C2CD3: variants seen among roughly 807,000 people sequenced by gnomAD.
C2CD3 encodes C2 domain-containing protein 3.
C2CD3 carries 148 observed loss-of-function variants against 234.0 expected under a neutral mutation model. The observed-to-expected ratio is 0.63, with a 90% confidence interval of 0.55 to 0.72. The LOEUF is 0.72. Ranked by LOEUF, C2CD3 falls within the 30% of genes least tolerant of loss-of-function variation. The pLI is 0.00. For synonymous variants in C2CD3, 1,000 were observed against 1,035.4 expected, an observed-to-expected ratio of 0.97 and a Z score of 0.66; for missense variants, 2,577 against 2,811.5, an observed-to-expected ratio of 0.92 and a Z score of 1.89.
rs975967216 is a variant in C2CD3, at chr11:74,033,441, T to C, written c.6719A>G (p.Asn2240Ser). Residue 2240 changes from asparagine (N) to serine (S), a missense_variant, in exon 31 of 33, where the codon AAC (asparagine) becomes AGC (serine). Asn to Ser is a conservative substitution (Grantham distance 46). Coordinates refer to ENST00000334126, the MANE Select transcript of C2CD3 (RefSeq NM_001286577.2). ...GGAGTCGATGGGTGGTCCCTTATGG[T>C]TTTCCCTTCTGCTCTGGGAGGCTAG... ...LNLASQSRRE[N>S]HKGPPIDSSD... The C allele has an allele frequency of 5.7e-5, 87 of 1,535,996 alleles. No homozygotes were observed. Among genetic ancestry groups the C allele is most frequent in the Non-Finnish European group, 7.2e-5 (83 of 1,146,906 alleles).
chr11:74,057,541 C>T lies in C2CD3; in HGVS notation c.4955G>A (p.Ser1652Asn), dbSNP rs1954013275. The T allele has an allele frequency of 5.0e-6, 8 of 1,614,142 alleles. No individual in the cohort carries two copies. Among genetic ancestry groups the T allele is most frequent in the Non-Finnish European group, 5.9e-6 (7 of 1,179,996 alleles). The part of the protein sequence containing the change: ...ERAMHLSLKG[S>N]PLTERKVSIP... ...CGATACTTTCCGCTCTGTCAAGGGG[C>T]TCCCTGAAATAGAATAAAGTGCAGT... The change falls in exon 25 of 33, where the codon AGC (serine) becomes AAC (asparagine). Residue 1652 changes from serine to asparagine, a missense_variant. Physicochemically the swap from Ser to Asn is conservative, Grantham distance 46 (BLOSUM62 1). Coordinates refer to ENST00000334126, the MANE Select transcript of C2CD3 (RefSeq NM_001286577.2).
At position 74,017,214 on chromosome 11, in the gene C2CD3, C is replaced by T. The variant is rs180795379; in HGVS notation, c.6922-3689G>A. 4.3e-3 allele frequency among the ~76,000 whole-genome samples: 650 copies of T among 152,240 alleles called. 2 individuals are homozygous for T. The highest frequency in any genetic ancestry group is 0.014 in the African/African-American group (579 of 41,540). ...TGATCTTATTCTTCTTGGACTTCAG[C>T]GAGCTGATCTGTAAGGGCCTTCCCA... On this transcript the variant is annotated intron_variant, in intron 32 of 32. Coordinates refer to ENST00000334126, the MANE Select transcript of C2CD3 (RefSeq NM_001286577.2).
chr11:74,153,588 G>A (rs1176614572), intron 3 of C2CD3, among the ~76,000 whole-genome samples: 2 of 152,122 alleles, frequency 1.3e-5, no homozygotes, highest in Non-Finnish European at 2.9e-5. Flanking sequence ...TGGATTGGAA[G>A]ACTCAATATT....
At position 74,091,079 on chromosome 11, in the gene C2CD3, A is replaced by G. The variant is rs1166413587; in HGVS notation, c.3518-143T>C. 3 of 754,230 alleles carry G rather than the reference A, an allele frequency of 4.0e-6. No homozygotes were observed. In the East Asian group the frequency reaches 8.3e-5, roughly 21 times the overall value. The allele number at this position is 754,230 out of a possible 1,614,324, so 46.7% of individuals were successfully genotyped here. Reference sequence around the variant, plus strand: ...CAATGAGAGAATCTGTCCTTGTCATAATCACATTGTTATTCTTTAAGGTTA... The same window carrying G: ...CAATGAGAGAATCTGTCCTTGTCATGATCACATTGTTATTCTTTAAGGTTA... On this transcript the variant is annotated intron_variant, in intron 19 of 32. Transcript: ENST00000334126.
At chr11:74,057,683 T>A in intron 24 of C2CD3, 139 bp from the exon 25 acceptor site, 5 of 895,474 alleles carry the variant, frequency 5.6e-6, no homozygotes, top group Non-Finnish European at 8.5e-6. Context: ...GTCTGAAATG[T>A]TTTCAGGCTG....
chr11:74,117,061 A>T (rs1436228260), intron 9 of C2CD3, among the ~76,000 whole-genome samples: 1 of 23,542 alleles, frequency 4.2e-5, no homozygotes, highest in Non-Finnish European at 9.3e-5. Flanking sequence ...TATATATATG[A>T]ATATATATAT....
At chr11:74,115,879 A>C (rs915246920) in intron 9 of C2CD3, among the ~76,000 whole-genome samples, 1 of 152,200 alleles carries the variant, frequency 6.6e-6, no homozygotes, top group Non-Finnish European at 1.5e-5. Flanking sequence ...TGGTGAAAGG[A>C]CACCCTATTC....
chr11:74,157,015 C>A (rs746744141), intron 3 of C2CD3, among the ~76,000 whole-genome samples: 4 of 152,152 alleles, frequency 2.6e-5, no homozygotes, highest in Non-Finnish European at 5.9e-5. Flanking sequence ...ACATTGTACT[C>A]CTCCCGATTT....
intron 3 of C2CD3, among the ~76,000 whole-genome samples, chr11:74,144,690 G>A (rs1565342671): frequency 6.6e-6 from 1 of 152,122 alleles, no homozygotes. Flanking sequence ...ACTTGTAAGT[G>A]AGAACGTGTG....
At chr11:74,079,482 T>G (rs1955232643) in intron 22 of C2CD3, among the ~76,000 whole-genome samples, 1 of 151,644 alleles carries the variant, frequency 6.6e-6, no homozygotes, top group African/African-American at 2.4e-5. Context: ...GCACCTTGGC[T>G]TCCCAAGGTT....
intron 8 of C2CD3, among the ~76,000 whole-genome samples, chr11:74,119,076 A>G (rs750843553): frequency 6.6e-5 from 10 of 151,628 alleles, no homozygotes; most frequent in Admixed American, 2.0e-4. Flanking sequence ...CACCTGACTA[A>G]TTTTTGTATT....
intron 20 of C2CD3, among the ~76,000 whole-genome samples, chr11:74,086,773 T>A (rs1447670870): frequency 1.3e-5 from 2 of 152,212 alleles, no homozygotes; most frequent in Admixed American, 6.5e-5. Context: ...ACAAACCCCC[T>A]TTCCCTAAAC....
intron 29 of C2CD3, 95 bp downstream of exon 29, chr11:74,041,959 G>A (rs1415165062): frequency 1.6e-6 from 2 of 1,248,456 alleles, no homozygotes; most frequent in Non-Finnish European, 2.3e-6. Flanking sequence ...CTAGGGCGGT[G>A]GCAGGTGATG....
rs1351905424 is a variant in C2CD3, at chr11:74,054,592, T to C, written c.5155+15A>G. The C allele has an allele frequency of 2.0e-6, 3 of 1,521,822 alleles. No individual in the cohort carries two copies. Among genetic ancestry groups the C allele is most frequent in the Non-Finnish European group, 2.7e-6 (3 of 1,101,760 alleles). The allele number at this position is 1,521,822 out of a possible 1,614,324, so 94.3% of individuals were successfully genotyped here. A position where few individuals can be genotyped will look rare whatever the true frequency, so the allele number is the denominator to read the frequency against. ...TTTTACAAGCAAGCAGATATTCTTT[T>C]AACAGAGTTCATACCTCCTTTATGC... is the stretch of plus-strand genomic sequence containing the variant. On this transcript the variant is annotated intron_variant, in intron 26 of 32. Coordinates refer to ENST00000334126, the MANE Select transcript of C2CD3 (RefSeq NM_001286577.2).
chr11:74,144,703 G>A (rs1362379562), intron 3 of C2CD3, among the ~76,000 whole-genome samples: 1 of 152,110 alleles, frequency 6.6e-6, no homozygotes. Context: ...AACGTGTGGT[G>A]CTTGGTTTTC....
chr11:74,120,840 T>C (rs1264473211), intron 8 of C2CD3, among the ~76,000 whole-genome samples: 1 of 152,076 alleles, frequency 6.6e-6, no homozygotes, highest in Non-Finnish European at 1.5e-5. Context: ...GTAGAAGGAT[T>C]AGTACCAGCA....
chr11:74,067,898 A>G (rs826033), intron 24 of C2CD3, among the ~76,000 whole-genome samples: 84,115 of 151,982 alleles, frequency 0.55, 24,458 homozygotes, highest in African/African-American at 0.75. Context: ...GCAGGCGGGA[A>G]GCAGAGGACA....
At chr11:74,114,900 C>T (rs902484337) in intron 9 of C2CD3, among the ~76,000 whole-genome samples, 3 of 151,908 alleles carry the variant, frequency 2.0e-5, no homozygotes, top group Non-Finnish European at 4.4e-5. Context: ...TGAGATATTA[C>T]TATGTTGCCC....
At chr11:74,056,664 C>T (rs1299317943) in intron 25 of C2CD3, among the ~76,000 whole-genome samples, 1 of 152,208 alleles carries the variant, frequency 6.6e-6, no homozygotes, top group Non-Finnish European at 1.5e-5. Flanking sequence ...TGCCCAGGGT[C>T]TTTCCACTAC....
Sources: gnomAD v4.1 joint callset for allele counts (sites outside exome capture counted in the v4.1 genomes callset) on GRCh38, gnomAD v4.1.1 for gene constraint, MANE v1.5 for transcripts, NCBI Gene and HGNC (gene_info 2026-07-23, HGNC 2026-07-21) for gene names.